The following SRP54 variants were observed in gnomAD, a reference collection of about 807,000 sequenced individuals.
The protein encoded by SRP54 is signal recognition particle subunit SRP54.
Under a neutral mutation model 64.8 loss-of-function variants are expected in SRP54, and 10 were observed. The observed-to-expected ratio is 0.15, with a 90% CI of 0.10 to 0.26. The LOEUF is 0.26. Ranked by LOEUF, SRP54 falls within the 10% of genes least tolerant of loss-of-function variation. SRP54 has a pLI of 1.00. For synonymous variants in SRP54, 193 were observed against 185.6 expected (o/e 1.04, Z -0.32); for missense variants, 325 against 613.7 (o/e 0.53, Z 4.97).
At chr14:35,024,908 G>A (rs1373412667) in intron 14 of SRP54, among the ~76,000 whole-genome samples, 1 of 151,980 alleles carries the variant, frequency 6.6e-6, no homozygotes, top group African/African-American at 2.4e-5. Context: ...TGTATTTTTA[G>A]TAGAGACTGG....
At chr14:35,006,385 A>G (rs1354919556) in intron 4 of SRP54, among the ~76,000 whole-genome samples, 1 of 152,216 alleles carries the variant, frequency 6.6e-6, no homozygotes, top group African/African-American at 2.4e-5. Context: ...TATGGCATCC[A>G]CTAGCCACAT....
rs1024635802 is a variant in SRP54 at position 34,993,791 on chromosome 14, G to A, written c.-33-2886G>A. 4.6e-5 allele frequency among the ~76,000 whole-genome samples: 7 copies of A among 151,030 alleles called. No homozygotes were observed. The East Asian group carries it at 1.2e-3, about 26-fold the overall frequency. On this transcript the variant is annotated intron_variant, in intron 1 of 15. Transcript: ENST00000216774. ...GCTCACCGCAATCTCCACCTCCCGG[G>A]TTCAAGCGATTCACCTGTCTCAGCC...
chr14:34,987,045 A>T (rs2043906014), intron 1 of SRP54, among the ~76,000 whole-genome samples: 1 of 151,670 alleles, frequency 6.6e-6, no homozygotes, highest in Non-Finnish European at 1.5e-5. Context: ...ATCCTGGCTA[A>T]CAAGGTGAAA....
At chr14:34,991,871 G>A (rs964498940) in intron 1 of SRP54, among the ~76,000 whole-genome samples, 2 of 152,150 alleles carry the variant, frequency 1.3e-5, no homozygotes, top group African/African-American at 4.8e-5. Flanking sequence ...AGGAAACACT[G>A]TAAGTTAAAG....
intron 10 of SRP54, among the ~76,000 whole-genome samples, 174 bp from the exon 11 acceptor site, chr14:35,014,570 G>A (rs1039190744): frequency 2.6e-5 from 4 of 152,086 alleles, no homozygotes; most frequent in Non-Finnish European, 5.9e-5. Flanking sequence ...ATGAGCCACC[G>A]CTCCTGGCCA....
At chr14:35,013,566 T>C in intron 9 of SRP54, 72 bp downstream of exon 9, 1 of 1,472,752 alleles carries the variant, frequency 6.8e-7, no homozygotes, top group Middle Eastern at 1.8e-4. Context: ...ATAGCTTTCA[T>C]ATTGATCATT....
chr14:34,986,664 T>C (rs1421253723), intron 1 of SRP54, among the ~76,000 whole-genome samples: 1 of 151,428 alleles, frequency 6.6e-6, no homozygotes, highest in Non-Finnish European at 1.5e-5. Flanking sequence ...TGGATCATGA[T>C]GTCAGGAGTT....
intron 1 of SRP54, among the ~76,000 whole-genome samples, chr14:34,988,351 C>G (rs985308561): frequency 3.8e-4 from 58 of 150,976 alleles, no homozygotes; most frequent in Non-Finnish European, 4.4e-5. Context: ...ATCACGAGGT[C>G]AAGAGGTCGA....
In SRP54 at chr14:35,008,713, A is replaced by G; in HGVS notation, c.427+20A>G. The stretch of plus-strand genomic sequence containing the variant: ...GAGCAGGTAATGTCTTGAAATTTGA[A>G]AATTGTTTTATATAATTTTTATTTT... On this transcript the variant is annotated intron_variant, in intron 6 of 15. Transcript: ENST00000216774. 1 of 1,605,062 alleles carries G rather than the reference A, an allele frequency of 6.2e-7. No individual in the cohort carries two copies. The highest frequency in any genetic ancestry group is 8.5e-7 in the Non-Finnish European group (1 of 1,176,438).
intron 1 of SRP54, among the ~76,000 whole-genome samples, chr14:34,987,971 AC>A (rs2043923934): frequency 1.3e-5 from 2 of 152,284 alleles, no homozygotes; most frequent in South Asian, 4.1e-4. Flanking sequence ...CCCCGCCAAA[AC>A]CATAAATTCT....
chr14:35,011,910 A>G (rs2044362388), intron 8 of SRP54, among the ~76,000 whole-genome samples: 1 of 152,216 alleles, frequency 6.6e-6, no homozygotes, highest in South Asian at 2.1e-4. Context: ...TAGTATGCAT[A>G]AGAAAACATT....
intron 14 of SRP54, among the ~76,000 whole-genome samples, chr14:35,025,364 C>T (rs1374861974): frequency 1.3e-5 from 2 of 152,136 alleles, no homozygotes; most frequent in African/African-American, 4.8e-5. Context: ...ATTTTCCTTG[C>T]GATATCCTAT....
rs762594275 is a variant in SRP54 at position 35,028,092 on chromosome 14, C to T, written c.1332C>T (p.Gly444=). The T allele has an allele frequency of 3.6e-5, 57 of 1,604,248 alleles. 2 individuals are homozygous for T. The South Asian group carries it at 5.4e-4, about 15-fold the overall frequency. The change falls in exon 15 of 16, where the codon GGC becomes GGT. Residue 444 remains glycine, a synonymous_variant. Transcript: ENST00000216774. ...TCTTTTTTTTTTTCCCCTCAGGTGG[C>T]GACATGTCTAAGAATGTGAGCCAGT... ...MGGIKGLFKG[G]DMSKNVSQSQ... is the part of the protein sequence containing the mutation.
chr14:34,990,423 A>C (rs1290908341), intron 1 of SRP54, among the ~76,000 whole-genome samples: 1 of 152,108 alleles, frequency 6.6e-6, no homozygotes, highest in Non-Finnish European at 1.5e-5. Context: ...TTTTTTTGGC[A>C]GGGAACGGCT....
chr14:34,988,582 T>TATATATATATATATATAAAAC (rs1555352771), intron 1 of SRP54, among the ~76,000 whole-genome samples: 4 of 35,074 alleles, frequency 1.1e-4, no homozygotes, highest in African/African-American at 2.9e-4. Flanking sequence ...AAAAAAAATA[T>TATATATATATATATATAAAAC]ATATATATAT....
intron 1 of SRP54, chr14:34,993,512 T>C (rs2044015804): frequency 6.6e-6 from 1 of 152,070 alleles, no homozygotes; most frequent in Admixed American, 6.6e-5. Context: ...AATTACCAAA[T>C]TGTACTTGAG....
intron 8 of SRP54, among the ~76,000 whole-genome samples, chr14:35,012,462 G>A (rs1440859734): frequency 6.6e-6 from 1 of 152,102 alleles, no homozygotes; most frequent in Admixed American, 6.5e-5. Context: ...TCTTTGGTTT[G>A]TGGTTAATGC....
intron 13 of SRP54, among the ~76,000 whole-genome samples, chr14:35,020,046 G>T (rs111363796): frequency 0.037 from 5,702 of 152,132 alleles, 109 homozygotes; most frequent in South Asian, 0.067. Flanking sequence ...TTAGCCGGGC[G>T]TGGTGGCACA....
At chr14:34,989,741 T>C (rs578072272) in intron 1 of SRP54, among the ~76,000 whole-genome samples, 2 of 152,214 alleles carry the variant, frequency 1.3e-5, no homozygotes, top group South Asian at 4.2e-4. Flanking sequence ...AATTTCCAGC[T>C]TACTTACACT....
Sources: gnomAD v4.1 joint callset for allele counts (sites outside exome capture counted in the v4.1 genomes callset) on GRCh38, gnomAD v4.1.1 for gene constraint, MANE v1.5 for transcripts, NCBI Gene and HGNC (gene_info 2026-07-23, HGNC 2026-07-21) for gene names.